STS: variants seen among roughly 807,000 people sequenced by gnomAD.
STS encodes steryl-sulfatase.
Under a neutral mutation model 26.8 loss-of-function variants are expected in STS, and 7 were observed. That is an observed-to-expected ratio of 0.26 (90% CI 0.15 to 0.49). The LOEUF (loss-of-function observed/expected upper bound fraction) is 0.49, where lower values mean the gene tolerates loss of function less well. Among genes scored for constraint, STS ranks in the 20% least tolerant of loss-of-function variants. STS has a pLI of 0.98. For synonymous variants in STS, 199 were observed against 189.4 expected, an observed-to-expected ratio of 1.05 and a Z score of -0.42; for missense variants, 434 against 465.6, an observed-to-expected ratio of 0.93 and a Z score of 0.63.
At chrX:7,152,035 C>T (rs1334140422) in intron 1 of STS, among the ~76,000 whole-genome samples, 2 of 111,200 alleles carry the variant, frequency 1.8e-5, no homozygotes, top group Non-Finnish European at 3.8e-5. Flanking sequence ...TCACTGCAAG[C>T]TCCGCCTCTC....
At chrX:7,249,469 T>C (rs1923035848) in intron 2 of STS, among the ~76,000 whole-genome samples, 2 of 111,241 alleles carry the variant, frequency 1.8e-5, no homozygotes, top group Non-Finnish European at 3.8e-5. Flanking sequence ...TCAGACTGGG[T>C]AGGCAGTGGT....
intron 7 of STS, among the ~76,000 whole-genome samples, chrX:7,302,694 T>C (rs1218960569): frequency 3.6e-5 from 4 of 112,043 alleles, no homozygotes; most frequent in African/African-American, 1.3e-4. Context: ...AAATCATCTC[T>C]GCCACCTCCA....
chrX:7,178,268 T>G (rs1180137089), intron 1 of STS, among the ~76,000 whole-genome samples: 1 of 112,404 alleles, frequency 8.9e-6, no homozygotes, highest in Non-Finnish European at 1.9e-5. Context: ...GTTTTGCCCT[T>G]TCCCTTGATT....
At chrX:7,169,527 A>G (rs1251294001) in intron 1 of STS, among the ~76,000 whole-genome samples, 6 of 112,114 alleles carry the variant, frequency 5.4e-5, no homozygotes, top group Admixed American at 9.5e-5. Flanking sequence ...TCCTATTTTC[A>G]GTAATTTTGG....
At chrX:7,163,077 A>C (rs1327309775) in intron 1 of STS, among the ~76,000 whole-genome samples, 1 of 95,587 alleles carries the variant, frequency 1.0e-5, no homozygotes, top group African/African-American at 4.0e-5. Context: ...AAAAAAAAAA[A>C]TGCATGAGAC....
At chrX:7,325,581 G>C (rs1436567089) in intron 9 of STS, 83 bp downstream of exon 9, 12 of 1,088,423 alleles carry the variant, frequency 1.1e-5, no homozygotes, top group Non-Finnish European at 1.5e-5. Flanking sequence ...ATAATGGTGT[G>C]GGGACCAAGG....
At chrX:7,313,726 G>A (rs1368530238) in intron 8 of STS, among the ~76,000 whole-genome samples, 1 of 112,034 alleles carries the variant, frequency 8.9e-6, no homozygotes, top group Non-Finnish European at 1.9e-5. Flanking sequence ...AGGGTATAAA[G>A]GCAAAGAATA....
At chrX:7,259,265 C>T in intron 5 of STS, 84 bp from the exon 6 acceptor site, 5 of 972,900 alleles carry the variant, frequency 5.1e-6, no homozygotes, top group Non-Finnish European at 7.4e-6. Flanking sequence ...GAAAGAACCT[C>T]CTTTTCAGCA....
chrX:7,200,643 C>A (rs1340572441), intron 2 of STS, among the ~76,000 whole-genome samples: 1 of 111,379 alleles, frequency 9.0e-6, no homozygotes, highest in Non-Finnish European at 1.9e-5. Context: ...ATGCCAAGGA[C>A]AAAAATGGAT....
chrX:7,214,971 T>TATAC (rs1491294127), intron 2 of STS, among the ~76,000 whole-genome samples: 1 of 68,989 alleles, frequency 1.4e-5, no homozygotes, highest in African/African-American at 5.2e-5. Flanking sequence ...ATATTATATA[T>TATAC]GTATATATAC....
intron 6 of STS, among the ~76,000 whole-genome samples, chrX:7,265,426 A>G (rs1254109906): frequency 1.8e-5 from 2 of 111,720 alleles, no homozygotes; most frequent in Non-Finnish European, 1.9e-5. Flanking sequence ...ATAAATATTC[A>G]TATGATTACA....
At chrX:7,188,636 A>G (rs1341948756) in intron 1 of STS, among the ~76,000 whole-genome samples, 1 of 111,867 alleles carries the variant, frequency 8.9e-6, no homozygotes, top group Non-Finnish European at 1.9e-5. Context: ...TAATCCCTTC[A>G]GATATGTTCT....
intron 2 of STS, among the ~76,000 whole-genome samples, chrX:7,214,920 T>C (rs1296245465): frequency 2.0e-5 from 2 of 98,834 alleles, no homozygotes; most frequent in East Asian, 6.1e-4. Context: ...TATATATATA[T>C]GTGTGTGTGT....
At chrX:7,256,754 C>T (rs1923428807) in intron 3 of STS, among the ~76,000 whole-genome samples, 2 of 111,677 alleles carry the variant, frequency 1.8e-5, no homozygotes, top group African/African-American at 3.3e-5. Flanking sequence ...CCCTCTGTAA[C>T]ATGAATGGAC....
intron 9 of STS, among the ~76,000 whole-genome samples, 176 bp downstream of exon 9, chrX:7,325,674 A>C (rs769535055): frequency 8.9e-6 from 1 of 112,545 alleles, no homozygotes; most frequent in Non-Finnish European, 1.9e-5. Context: ...ACATTTACTT[A>C]ATGTGTACAC....
At chrX:7,287,973 C>G (rs147247466) in intron 7 of STS, among the ~76,000 whole-genome samples, 2,697 of 110,410 alleles carry the variant, frequency 0.024, 51 homozygotes, top group African/African-American at 0.053. Context: ...GTGAAAAATG[C>G]TAGTTCACTA....
At chrX:7,206,856 G>C (rs1180294423) in intron 2 of STS, among the ~76,000 whole-genome samples, 1 of 112,298 alleles carries the variant, frequency 8.9e-6, no homozygotes, top group African/African-American at 3.2e-5. Context: ...TGGTTTGGCA[G>C]ACACAATTGA....
chrX:7,304,709 CT>C (rs1184611220), intron 7 of STS, among the ~76,000 whole-genome samples: 11 of 111,988 alleles, frequency 9.8e-5, no homozygotes, highest in African/African-American at 3.6e-4. Context: ...AACCTTTCAG[CT>C]TCTTTCTTCT....
At chrX:7,281,022 C>T (rs1924831182) in intron 7 of STS, among the ~76,000 whole-genome samples, 1 of 111,819 alleles carries the variant, frequency 8.9e-6, no homozygotes, top group Middle Eastern at 4.3e-3. Context: ...AAAACTTAGC[C>T]AGGCATGGTG....
Sources: gnomAD v4.1 joint callset for allele counts (sites outside exome capture counted in the v4.1 genomes callset) on GRCh38, gnomAD v4.1.1 for gene constraint, MANE v1.5 for transcripts, NCBI Gene and HGNC (gene_info 2026-07-23, HGNC 2026-07-21) for gene names.